TAMM41: variants seen among roughly 807,000 people sequenced by gnomAD.
The protein encoded by TAMM41 is phosphatidate cytidylyltransferase, mitochondrial.
Under a neutral mutation model 44.1 loss-of-function variants are expected in TAMM41, and 36 were observed. The ratio of observed to expected loss-of-function variants is 0.82; its 90% CI spans 0.63 to 1.08. TAMM41 has a LOEUF of 1.08. Among genes scored for constraint, TAMM41 ranks in the 50% least tolerant of loss-of-function variants. The pLI, the probability that TAMM41 is intolerant of heterozygous loss-of-function variation, is 0.00. For missense variants in TAMM41, 417 were observed against 404.3 expected, an observed-to-expected ratio of 1.03 and a Z score of -0.27; for synonymous variants, 164 against 153.1, an observed-to-expected ratio of 1.07 and a Z score of -0.53.
At chr3:11,838,105 C>T (rs1282208624) in intron 3 of TAMM41, among the ~76,000 whole-genome samples, 4 of 152,182 alleles carry the variant, frequency 2.6e-5, no homozygotes, top group Admixed American at 2.6e-4. Flanking sequence ...AATCACAAGT[C>T]CAGGCTGCCT....
downstream of TAMM41, among the ~76,000 whole-genome samples, chr3:11,785,544 T>C (rs547249651): frequency 2.5e-4 from 38 of 152,314 alleles, 1 homozygote; most frequent in African/African-American, 8.9e-4. Context: ...CAGGATGGTC[T>C]TGATCTCTTG....
At chr3:11,757,274 G>C in the TAMM41 span, among the ~76,000 whole-genome samples, 1 of 152,200 alleles carries the variant, frequency 6.6e-6, no homozygotes, top group Non-Finnish European at 1.5e-5. Flanking sequence ...ATGCTTGAGA[G>C]ATGTTCGCTG....
intron 5 of TAMM41, among the ~76,000 whole-genome samples, chr3:11,814,060 C>T (rs568716061): frequency 1.3e-5 from 2 of 151,680 alleles, no homozygotes; most frequent in Admixed American, 1.3e-4. Context: ...GGCCTGTAGT[C>T]GCAGCTCCTC....
chr3:11,761,270 T>C, the TAMM41 span, among the ~76,000 whole-genome samples: 1 of 152,214 alleles, frequency 6.6e-6, no homozygotes, highest in Non-Finnish European at 1.5e-5. Context: ...CTGTATCTTA[T>C]TATCATTGAT....
rs796100683 is a variant in TAMM41, at chr3:11,807,413, ACC to A, written c.937+418_937+419del. The A allele has an allele frequency of 3.5e-5, 53 of 1,529,904 alleles. No individual in the cohort carries two copies. The African/African-American group carries it at 6.1e-4, about 18-fold the overall frequency. 94.8% of individuals were successfully genotyped at this position (1,529,904 alleles called of 1,614,324 possible). A position where few individuals can be genotyped will look rare whatever the true frequency, so the allele number is the denominator to read the frequency against. On this transcript the variant is annotated intron_variant, in intron 7 of 7. Transcript: ENST00000455809. ...CGTAGAGAAGGAGCAACGAAAACTT[ACC>A]ATTTAGAGAAATGGCAGTAACAACA...
intron 7 of TAMM41, among the ~76,000 whole-genome samples, chr3:11,794,975 T>C (rs925063): frequency 0.014 from 2,179 of 152,306 alleles, 66 homozygotes; most frequent in African/African-American, 0.049. Flanking sequence ...CAGGCTTAAG[T>C]GATAAGCAAA....
At position 11,846,785 on chromosome 3, in the gene TAMM41, C is replaced by G. The variant is rs420599; in HGVS notation, c.-149G>C. 0.45 allele frequency: 439,027 copies of G among 982,938 alleles called. 101,464 individuals are homozygous for G. The highest frequency in any genetic ancestry group is 0.58 in the Middle Eastern group (1,932 of 3,308). The allele number at this position is 982,938 out of a possible 1,614,324, so 60.9% of individuals were successfully genotyped here. The stretch of plus-strand genomic sequence containing the variant: ...GCTGAGTGTGGGGTGGGACTGCAAG[C>G]ACACGCAAGGATTGGGGCGTTGGGC... On this transcript the variant is annotated 5_prime_UTR_variant, in exon 1 of 8. Coordinates refer to ENST00000455809, the MANE Select transcript of TAMM41 (RefSeq NM_001284401.2).
At chr3:11,794,839 C>T (rs1399095786) in intron 7 of TAMM41, among the ~76,000 whole-genome samples, 3 of 152,160 alleles carry the variant, frequency 2.0e-5, no homozygotes, top group South Asian at 2.1e-4. Flanking sequence ...CATAATCTTA[C>T]GTTTCAGACC....
rs11423186 is a variant in TAMM41 at position 11,816,217 on chromosome 3, GA to G, written c.708+974del. Among the ~76,000 whole-genome samples, 560 of 132,146 alleles carry G rather than the reference GA, an allele frequency of 4.2e-3. 1 individual carries two copies. Among genetic ancestry groups the G allele is most frequent in the African/African-American group, 0.013 (461 of 36,662 alleles). The allele number at this position is 132,146 out of a possible 152,430, so 86.7% of individuals were successfully genotyped here. ...AAATACAGTGTTCTTTACATTAAAGGAAAAAAAAAAAAACCTTTGGCCCGGC... is the reference window on the plus strand; with the variant it reads ...AAATACAGTGTTCTTTACATTAAAGGAAAAAAAAAAAACCTTTGGCCCGGC... On this transcript the variant is annotated intron_variant, in intron 5 of 7. Transcript: ENST00000455809.
chr3:11,757,660 C>T, the TAMM41 span, among the ~76,000 whole-genome samples: 1 of 152,238 alleles, frequency 6.6e-6, no homozygotes, highest in Non-Finnish European at 1.5e-5. Context: ...GAACTGCCGG[C>T]CACAGACAGC....
chr3:11,845,341 T>C (rs1355760828), intron 1 of TAMM41, among the ~76,000 whole-genome samples: 1 of 152,054 alleles, frequency 6.6e-6, no homozygotes, highest in Non-Finnish European at 1.5e-5. Flanking sequence ...TTCACTTGAA[T>C]GTAAGGAATC....
At chr3:11,770,116 G>A in the TAMM41 span, among the ~76,000 whole-genome samples, 5 of 152,232 alleles carry the variant, frequency 3.3e-5, no homozygotes, top group Non-Finnish European at 5.9e-5. Context: ...CAGGGGAGAT[G>A]TGTGATTGGT....
intron 4 of TAMM41, among the ~76,000 whole-genome samples, chr3:11,827,697 A>T (rs2078815316): frequency 6.6e-6 from 1 of 151,892 alleles, no homozygotes; most frequent in Non-Finnish European, 1.5e-5. Flanking sequence ...AAAAATAAAA[A>T]AAGATAAAGC....
the TAMM41 span, among the ~76,000 whole-genome samples, chr3:11,746,259 G>C: frequency 6.9e-6 from 1 of 144,064 alleles, no homozygotes; most frequent in Non-Finnish European, 1.5e-5. Context: ...AGCCGAGATC[G>C]CACCACTGCA....
At chr3:11,758,005 C>T in the TAMM41 span, among the ~76,000 whole-genome samples, 8 of 152,156 alleles carry the variant, frequency 5.3e-5, no homozygotes, top group Non-Finnish European at 7.4e-5. Flanking sequence ...AAGTGTAAGT[C>T]TGGGGCCCCC....
At chr3:11,824,751 G>C (rs2078672261) in intron 4 of TAMM41, among the ~76,000 whole-genome samples, 1 of 152,146 alleles carries the variant, frequency 6.6e-6, no homozygotes, top group African/African-American at 2.4e-5. Flanking sequence ...CCAAACAGAA[G>C]GAGCAAAACA....
chr3:11,761,946 C>CAAAAAAAAAAAAAAAAAAAAAA, the TAMM41 span, among the ~76,000 whole-genome samples: 1 of 75,036 alleles, frequency 1.3e-5, no homozygotes, highest in Non-Finnish European at 2.8e-5. Context: ...GACTCTGTCT[C>CAAAAAAAAAAAAAAAAAAAAAA]AAAAAAAAAA....
chr3:11,816,303 G>GT (rs890772324), intron 5 of TAMM41, among the ~76,000 whole-genome samples: 34 of 150,822 alleles, frequency 2.3e-4, no homozygotes, highest in African/African-American at 7.8e-4. Context: ...TGATAAGAAA[G>GT]TTTTATTTGA....
chr3:11,837,923 C>T (rs2079255302), intron 3 of TAMM41, among the ~76,000 whole-genome samples: 1 of 152,188 alleles, frequency 6.6e-6, no homozygotes, highest in Non-Finnish European at 1.5e-5. Flanking sequence ...GCTTCTACTC[C>T]CAGCACTTCT....
Sources: gnomAD v4.1 joint callset for allele counts (sites outside exome capture counted in the v4.1 genomes callset) on GRCh38, gnomAD v4.1.1 for gene constraint, MANE v1.5 for transcripts, NCBI Gene and HGNC (gene_info 2026-07-23, HGNC 2026-07-21) for gene names.